TMED5: variants seen among roughly 807,000 people sequenced by gnomAD.
The protein encoded by TMED5 is transmembrane p24 trafficking protein 5, also known as transmembrane emp24 domain-containing protein 5.
A neutral mutation model predicts 23.0 loss-of-function variants in TMED5; 27 were observed. That is an observed-to-expected ratio of 1.17 (90% confidence interval 0.86 to 1.62). TMED5 has a LOEUF of 1.62. Ranked by LOEUF, TMED5 falls within the 40% of genes most tolerant of loss-of-function variation. TMED5 has a pLI of 0.00. For missense variants in TMED5, 248 were observed against 273.7 expected, an observed-to-expected ratio of 0.91 and a Z score of 0.66; for synonymous variants, 97 against 100.8, an observed-to-expected ratio of 0.96 and a Z score of 0.23.
In TMED5 at chr1:93,152,424, A is replaced by C. The variant is rs922537866; in HGVS notation, c.*2246T>G. The stretch of plus-strand genomic sequence containing the variant: ...AAACAGTATGTCTTTAGAAATATTA[A>C]AGATTTTTACTCTGTTTACAAGTTT... On this transcript the variant is annotated 3_prime_UTR_variant, in exon 4 of 4. Transcript: ENST00000370282. The C allele has an allele frequency of 6.6e-6, 1 of 152,226 alleles. No homozygotes were observed. Among genetic ancestry groups the C allele is most frequent in the Non-Finnish European group, 1.5e-5 (1 of 68,012 alleles). 9.4% of individuals were successfully genotyped at this position (152,226 alleles called of 1,614,324 possible).
intron 1 of TMED5, among the ~76,000 whole-genome samples, chr1:93,174,114 C>T (rs533193204): frequency 4.6e-5 from 7 of 152,148 alleles, no homozygotes; most frequent in South Asian, 2.1e-4. Flanking sequence ...CGCACCACTG[C>T]GCCCAGCTAA....
At position 93,154,679 on chromosome 1, in the gene TMED5, A is replaced by G. The variant is rs1307011278; in HGVS notation, c.681T>C (p.Ser227=). 1 of 1,612,282 alleles carries G rather than the reference A, an allele frequency of 6.2e-7. No individual in the cohort carries two copies. Among genetic ancestry groups the G allele is most frequent in the Non-Finnish European group, 8.5e-7 (1 of 1,179,342 alleles). ...ACTCTAGTTTGGAGTTTTAAGTTCT[A>G]CTTTTCCTCTTATCTTCAAACAGAC... ...LKSLFEDKRK[S]RT Residue 227 remains serine (S), a synonymous_variant, in exon 4 of 4, where the codon AGT becomes AGC. Coordinates refer to ENST00000370282, the MANE Select transcript of TMED5 (RefSeq NM_016040.5).
At chr1:93,175,316 TACACACAC>T (rs376330795) in intron 1 of TMED5, among the ~76,000 whole-genome samples, 6 of 129,066 alleles carry the variant, frequency 4.6e-5, no homozygotes, top group Admixed American at 1.6e-4. Context: ...TATATATATA[TACACACAC>T]ACACACACAC....
In TMED5 at chr1:93,150,407, A is replaced by G. The variant is rs1342842651; in HGVS notation, c.*4263T>C. On this transcript the variant is annotated 3_prime_UTR_variant, in exon 4 of 4. Coordinates refer to ENST00000370282, the MANE Select transcript of TMED5 (RefSeq NM_016040.5). ...TGTTTCCGGGTTTTGGCTATTATAA[A>G]TGAAGGTGCTATGTAACATTTGTGA... 6.6e-6 allele frequency: 1 copy of G among 152,210 alleles called. No homozygotes were observed. Among genetic ancestry groups the G allele is most frequent in the African/African-American group, 2.4e-5 (1 of 41,446 alleles). The allele number at this position is 152,210 out of a possible 1,614,324, so 9.4% of individuals were successfully genotyped here. A position where few individuals can be genotyped will look rare whatever the true frequency, so the allele number is the denominator to read the frequency against.
rs1647964365 is a variant in TMED5, at chr1:93,153,810, G to GATTATTAACTGTTGACAGATAT, written c.*838_*859dup. The GATTATTAACTGTTGACAGATAT allele has an allele frequency of 6.6e-6, 1 of 152,004 alleles. No homozygotes were observed. Among genetic ancestry groups the GATTATTAACTGTTGACAGATAT allele is most frequent in the Non-Finnish European group, 1.5e-5 (1 of 67,964 alleles). 9.4% of individuals were successfully genotyped at this position (152,004 alleles called of 1,614,324 possible). A position where few individuals can be genotyped will look rare whatever the true frequency, so the allele number is the denominator to read the frequency against. On this transcript the variant is annotated 3_prime_UTR_variant, in exon 4 of 4. Coordinates refer to ENST00000370282, the MANE Select transcript of TMED5 (RefSeq NM_016040.5). ...AATCATGTTAAAATTAACATAACAT[G>GATTATTAACTGTTGACAGATAT]ATTATTAACTGTTGACAGATATTAA...
At chr1:93,179,906 C>A (rs1279270440) in intron 1 of TMED5, 148 bp downstream of exon 1, 1 of 817,018 alleles carries the variant, frequency 1.2e-6, no homozygotes, top group Non-Finnish European at 1.8e-6. Flanking sequence ...CCTCGCCTCG[C>A]GCGCCTGCGC....
At position 93,153,596 on chromosome 1, in the gene TMED5, A is replaced by G. The variant is rs962674497; in HGVS notation, c.*1074T>C. On this transcript the variant is annotated 3_prime_UTR_variant, in exon 4 of 4. Coordinates refer to ENST00000370282, the MANE Select transcript of TMED5 (RefSeq NM_016040.5). ...TCATGATGAGCCAGTCAGATTCTAGATATTTATTTATAGTTCTACTTAAGT... is the reference window on the plus strand; with the variant it reads ...TCATGATGAGCCAGTCAGATTCTAGGTATTTATTTATAGTTCTACTTAAGT... The G allele has an allele frequency of 2.7e-4, 41 of 152,204 alleles. No individual in the cohort carries two copies. The highest frequency in any genetic ancestry group is 9.9e-4 in the African/African-American group (41 of 41,532). The allele number at this position is 152,204 out of a possible 1,614,324, so 9.4% of individuals were successfully genotyped here.
chr1:93,165,900 A>AC (rs1347374285), intron 1 of TMED5, among the ~76,000 whole-genome samples: 3 of 151,194 alleles, frequency 2.0e-5, no homozygotes, highest in Non-Finnish European at 3.0e-5. Flanking sequence ...CTTCCCCTCC[A>AC]CCCCCCAGCC....
intron 1 of TMED5, among the ~76,000 whole-genome samples, chr1:93,172,003 A>G (rs889153305): frequency 1.1e-4 from 16 of 152,224 alleles, no homozygotes; most frequent in African/African-American, 3.1e-4. Flanking sequence ...ATAAAATCCA[A>G]TATCAATCCA....
chr1:93,150,809 ATCTT>A lies in TMED5; in HGVS notation c.*3857_*3860del, dbSNP rs1036909604. On this transcript the variant is annotated 3_prime_UTR_variant, in exon 4 of 4. Coordinates refer to ENST00000370282, the MANE Select transcript of TMED5 (RefSeq NM_016040.5). ...AACACTTCCAGGATTAGGGAGTAGT[ATCTT>A]TCTTTCTGAGGGAGTTTATATCAGT... 1.3e-5 allele frequency: 2 copies of A among 152,184 alleles called. No homozygotes were observed. Among genetic ancestry groups the A allele is most frequent in the Non-Finnish European group, 2.9e-5 (2 of 68,022 alleles). The allele number at this position is 152,184 out of a possible 1,614,324, so 9.4% of individuals were successfully genotyped here. A position where few individuals can be genotyped will look rare whatever the true frequency, so the allele number is the denominator to read the frequency against.
intron 1 of TMED5, among the ~76,000 whole-genome samples, chr1:93,175,262 T>C (rs1462196483): frequency 6.9e-6 from 1 of 144,238 alleles, no homozygotes; most frequent in Non-Finnish European, 1.5e-5. Context: ...TGTTGTGCCT[T>C]CTAATCCATT....
At position 93,153,648 on chromosome 1, in the gene TMED5, C is replaced by T. The variant is rs1455175011; in HGVS notation, c.*1022G>A. On this transcript the variant is annotated 3_prime_UTR_variant, in exon 4 of 4. Transcript: ENST00000370282. ...AATTTTATTTTGGATTAGGTTTTCT[C>T]AAGTTTTTCTAAATTCTTTCCTGTT... 1.3e-5 allele frequency: 2 copies of T among 152,058 alleles called. No homozygotes were observed. The highest frequency in any genetic ancestry group is 2.9e-5 in the Non-Finnish European group (2 of 67,970). 9.4% of individuals were successfully genotyped at this position (152,058 alleles called of 1,614,324 possible).
intron 1 of TMED5, among the ~76,000 whole-genome samples, chr1:93,165,733 A>T (rs1200079588): frequency 6.6e-6 from 1 of 152,248 alleles, no homozygotes; most frequent in South Asian, 2.1e-4. Context: ...TAGTTATTTT[A>T]AAATGTACAT....
At chr1:93,167,353 T>TA in intron 1 of TMED5, among the ~76,000 whole-genome samples, 1 of 152,294 alleles carries the variant, frequency 6.6e-6, no homozygotes, top group Non-Finnish European at 1.5e-5. Context: ...TTGCTTTGGG[T>TA]AGTATGGACA....
intron 1 of TMED5, among the ~76,000 whole-genome samples, chr1:93,163,464 T>C (rs1323354545): frequency 6.6e-5 from 10 of 151,380 alleles, no homozygotes; most frequent in Admixed American, 4.6e-4. Flanking sequence ...CCCGCCTCAG[T>C]GTCCTGAGTA....
chr1:93,155,225 GT>G (rs1648022769), intron 3 of TMED5, among the ~76,000 whole-genome samples: 1 of 152,056 alleles, frequency 6.6e-6, no homozygotes, highest in Non-Finnish European at 1.5e-5. Flanking sequence ...GTGAGACCCT[GT>G]CTCAAAAAAA....
At chr1:93,173,624 T>A (rs1446423275) in intron 1 of TMED5, among the ~76,000 whole-genome samples, 1 of 152,204 alleles carries the variant, frequency 6.6e-6, no homozygotes, top group Non-Finnish European at 1.5e-5. Flanking sequence ...AAAATATCTG[T>A]CAGTGAAGAA....
chr1:93,159,824 G>A (rs1319173168), intron 2 of TMED5, among the ~76,000 whole-genome samples: 1 of 152,204 alleles, frequency 6.6e-6, no homozygotes, highest in African/African-American at 2.4e-5. Flanking sequence ...TAGAAAGCTT[G>A]TGCTGGCCAG....
At chr1:93,170,418 C>T (rs1648681044) in intron 1 of TMED5, among the ~76,000 whole-genome samples, 1 of 152,242 alleles carries the variant, frequency 6.6e-6, no homozygotes, top group Non-Finnish European at 1.5e-5. Flanking sequence ...GGGCCAGCAG[C>T]TGCTGTGCTC....
Sources: allele counts gnomAD v4.1 joint callset (sites outside exome capture counted in the v4.1 genomes callset), GRCh38; gene constraint gnomAD v4.1.1; transcripts MANE v1.5; gene names NCBI Gene and HGNC (gene_info 2026-07-23, HGNC 2026-07-21).